The following TNIK variants were observed in gnomAD, a reference collection of about 807,000 sequenced individuals.
TNIK encodes the protein TRAF2 and NCK-interacting protein kinase.
In TNIK, 49 loss-of-function variants were observed where a neutral mutation model predicts 191.3. That is an observed-to-expected ratio of 0.26 (90% CI 0.20 to 0.32). The LOEUF (loss-of-function observed/expected upper bound fraction) is 0.32. TNIK is among the 10% of genes least tolerant of loss of function. TNIK has a pLI of 1.00. For missense variants in TNIK, 1,155 were observed against 1,702.3 expected (o/e 0.68, Z 5.66); for synonymous variants, 594 against 600.9 (o/e 0.99, Z 0.17).
chr3:171,228,932 T>G (rs1332003771), intron 2 of TNIK, among the ~76,000 whole-genome samples: 1 of 152,204 alleles, frequency 6.6e-6, no homozygotes, highest in East Asian at 1.9e-4. Context: ...CATGTGACTC[T>G]CAGACAACAG....
chr3:171,367,573 G>T (rs897033459), intron 2 of TNIK, among the ~76,000 whole-genome samples: 3 of 152,024 alleles, frequency 2.0e-5, no homozygotes, highest in Non-Finnish European at 4.4e-5. Context: ...AGGCTTAAGA[G>T]ATTCTCCTGC....
At chr3:171,175,883 G>T in intron 8 of TNIK, among the ~76,000 whole-genome samples, 1 of 152,140 alleles carries the variant, frequency 6.6e-6, no homozygotes, top group Non-Finnish European at 1.5e-5. Flanking sequence ...TTTCGTAACG[G>T]GTTTTGTTTC....
intron 2 of TNIK, among the ~76,000 whole-genome samples, chr3:171,342,217 A>T (rs1389806367): frequency 1.3e-5 from 2 of 152,206 alleles, no homozygotes; most frequent in East Asian, 3.8e-4. Context: ...CTGGGTCCCA[A>T]TCCCACAGTC....
chr3:171,149,686 T>A (rs1295626832), intron 12 of TNIK, among the ~76,000 whole-genome samples: 1 of 152,226 alleles, frequency 6.6e-6, no homozygotes, highest in Non-Finnish European at 1.5e-5. Flanking sequence ...CTGACCATTA[T>A]CCAAAGCTCA....
At chr3:171,084,013 G>C (rs1008371472) in intron 26 of TNIK, 142 bp downstream of exon 26, 4 of 1,144,264 alleles carry the variant, frequency 3.5e-6, no homozygotes, top group Non-Finnish European at 4.7e-6. Context: ...CTGAGGTCAA[G>C]ATAGTCCCAA....
chr3:171,426,702 T>G (rs1310117381), intron 1 of TNIK, among the ~76,000 whole-genome samples: 5 of 152,122 alleles, frequency 3.3e-5, no homozygotes, highest in Non-Finnish European at 5.9e-5. Flanking sequence ...TCTCCACTCC[T>G]GGGCACCTGT....
chr3:171,455,525 G>A (rs1326242495), intron 1 of TNIK, among the ~76,000 whole-genome samples: 1 of 151,912 alleles, frequency 6.6e-6, no homozygotes, highest in African/African-American at 2.4e-5. Flanking sequence ...ACAGGTGTGA[G>A]CCACTGTGCC....
intron 2 of TNIK, among the ~76,000 whole-genome samples, chr3:171,338,659 G>GTTTTT (rs76315440): frequency 2.1e-4 from 26 of 126,820 alleles, no homozygotes; most frequent in Non-Finnish European, 2.0e-4. Context: ...CAGCTAAGTT[G>GTTTTT]TTTTTTTTTT....
intron 2 of TNIK, among the ~76,000 whole-genome samples, chr3:171,329,010 T>G (rs1018621440): frequency 6.6e-6 from 1 of 152,228 alleles, no homozygotes; most frequent in Non-Finnish European, 1.5e-5. Context: ...GACCTGCTCC[T>G]GCACTTTCCT....
intron 2 of TNIK, among the ~76,000 whole-genome samples, chr3:171,278,489 A>G (rs868583033): frequency 1.5e-4 from 23 of 151,742 alleles, no homozygotes; most frequent in Non-Finnish European, 2.8e-4. Flanking sequence ...TAAAAAAGAT[A>G]AAAAAAATTT....
At chr3:171,445,264 C>G (rs1457739481) in intron 1 of TNIK, among the ~76,000 whole-genome samples, 3 of 151,786 alleles carry the variant, frequency 2.0e-5, no homozygotes, top group Non-Finnish European at 2.9e-5. Flanking sequence ...ATAAAAAATA[C>G]AAAAATCAGT....
chr3:171,189,474 A>T (rs903526477), intron 6 of TNIK, among the ~76,000 whole-genome samples: 8 of 151,580 alleles, frequency 5.3e-5, no homozygotes, highest in African/African-American at 1.7e-4. Context: ...AATAGGTGTT[A>T]AAAAAAAGTA....
chr3:171,447,550 T>C (rs1727663118), intron 1 of TNIK, among the ~76,000 whole-genome samples: 1 of 152,246 alleles, frequency 6.6e-6, no homozygotes, highest in South Asian at 2.1e-4. Context: ...TGGCAGTGGC[T>C]TTGGGCCAGT....
intron 16 of TNIK, among the ~76,000 whole-genome samples, chr3:171,126,526 G>T (rs755035662): frequency 6.6e-6 from 1 of 152,164 alleles, no homozygotes; most frequent in Non-Finnish European, 1.5e-5. Context: ...ACATTAGAGG[G>T]TGTTGCTCTG....
intron 4 of TNIK, among the ~76,000 whole-genome samples, chr3:171,208,334 C>T (rs1408293298): frequency 6.6e-6 from 1 of 151,162 alleles, no homozygotes; most frequent in Non-Finnish European, 1.5e-5. Flanking sequence ...AAAAAATGTA[C>T]TGAAGAGAAA....
chr3:171,109,093 G>T (rs930511440), intron 19 of TNIK, among the ~76,000 whole-genome samples: 1 of 152,138 alleles, frequency 6.6e-6, no homozygotes, highest in Non-Finnish European at 1.5e-5. Flanking sequence ...GTTTAAGTTT[G>T]GTTTATTTAA....
chr3:171,203,210 A>G (rs560454434), intron 4 of TNIK, among the ~76,000 whole-genome samples: 3 of 152,210 alleles, frequency 2.0e-5, no homozygotes, highest in Non-Finnish European at 4.4e-5. Flanking sequence ...CCAAGCCAAG[A>G]CGCTATAACA....
intron 2 of TNIK, among the ~76,000 whole-genome samples, chr3:171,342,879 A>G (rs1220872110): frequency 1.3e-5 from 2 of 152,048 alleles, no homozygotes; most frequent in East Asian, 3.9e-4. Flanking sequence ...GGTTTTTCCC[A>G]TGCTGTTCTT....
chr3:171,249,824 C>A (rs2109077261), intron 2 of TNIK, among the ~76,000 whole-genome samples: 1 of 152,296 alleles, frequency 6.6e-6, no homozygotes, highest in Non-Finnish European at 1.5e-5. Flanking sequence ...ACCCACCCAA[C>A]CCAACCTACC....
Sources: allele counts gnomAD v4.1 joint callset (sites outside exome capture counted in the v4.1 genomes callset), GRCh38; gene constraint gnomAD v4.1.1; transcripts MANE v1.5; gene names NCBI Gene and HGNC (gene_info 2026-07-23, HGNC 2026-07-21).